The following RANBP2 variants were observed in gnomAD, a reference collection of about 807,000 sequenced individuals.
The protein encoded by RANBP2 is RAN binding protein 2.
A neutral mutation model predicts 303.6 loss-of-function variants in RANBP2; 57 were observed. That is an observed-to-expected ratio of 0.19 (90% CI 0.15 to 0.23). RANBP2 has a LOEUF of 0.23. Among genes scored for constraint, RANBP2 ranks in the 10% least tolerant of loss-of-function variants. RANBP2 has a pLI of 1.00. For missense variants in RANBP2, 3,138 were observed against 3,780.8 expected (o/e 0.83, Z 4.46); for synonymous variants, 1,167 against 1,301.5 (o/e 0.90, Z 2.23).
the RANBP2 span, among the ~76,000 whole-genome samples, chr2:109,674,559 G>A: frequency 6.6e-6 from 1 of 151,804 alleles, no homozygotes; most frequent in Non-Finnish European, 1.5e-5. Flanking sequence ...CTCCAGCCTT[G>A]GCGACAGAAT....
the RANBP2 span, among the ~76,000 whole-genome samples, chr2:109,382,251 C>CAT: frequency 0.023 from 3,539 of 152,238 alleles, 141 homozygotes; most frequent in African/African-American, 0.081. Flanking sequence ...TTTCCTTAAC[C>CAT]ATAGGGTCTG....
At chr2:109,404,846 C>T in the RANBP2 span, among the ~76,000 whole-genome samples, 1 of 152,182 alleles carries the variant, frequency 6.6e-6, no homozygotes, top group Non-Finnish European at 1.5e-5. Context: ...CAGCATCCTC[C>T]TTCCTCATCC....
chr2:109,686,634 CAG>C, the RANBP2 span, among the ~76,000 whole-genome samples: 1 of 151,832 alleles, frequency 6.6e-6, no homozygotes, highest in African/African-American at 2.4e-5. Context: ...TTTTTTAAGA[CAG>C]AGTCTCATTC....
At chr2:108,918,243 A>G in the RANBP2 span, among the ~76,000 whole-genome samples, 1 of 152,056 alleles carries the variant, frequency 6.6e-6, no homozygotes, top group South Asian at 2.1e-4. Flanking sequence ...AGGCACCGGC[A>G]CCCCCTGCAC....
At chr2:109,656,975 C>G in the RANBP2 span, among the ~76,000 whole-genome samples, 5 of 152,166 alleles carry the variant, frequency 3.3e-5, no homozygotes, top group Non-Finnish European at 1.5e-5. Flanking sequence ...TAAAAATTAA[C>G]TATAGAATGG....
chr2:108,772,630 T>G, intron 22 of RANBP2, 49 bp downstream of exon 22: 2 of 1,518,680 alleles, frequency 1.3e-6, no homozygotes, highest in South Asian at 2.3e-5. Flanking sequence ...AAGTCTTCTA[T>G]TTAGAAGGAA....
At chr2:109,110,645 C>T in the RANBP2 span, among the ~76,000 whole-genome samples, 1 of 152,184 alleles carries the variant, frequency 6.6e-6, no homozygotes. Flanking sequence ...GGCCCAATCT[C>T]CTGGCCAATG....
chr2:109,509,316 A>G, the RANBP2 span, among the ~76,000 whole-genome samples: 2 of 152,202 alleles, frequency 1.3e-5, no homozygotes, highest in Admixed American at 1.3e-4. Context: ...ACGTGCCTGT[A>G]TCAGTCACTT....
At chr2:109,720,913 C>T in the RANBP2 span, among the ~76,000 whole-genome samples, 5 of 152,172 alleles carry the variant, frequency 3.3e-5, no homozygotes, top group Non-Finnish European at 7.3e-5. Context: ...AGCACAATGC[C>T]AGATGTGGGC....
At chr2:109,227,879 G>A in the RANBP2 span, among the ~76,000 whole-genome samples, 7 of 152,208 alleles carry the variant, frequency 4.6e-5, 1 homozygote, top group Admixed American at 2.6e-4. Context: ...CGGTTTGTCT[G>A]CAACTGCAGT....
the RANBP2 span, among the ~76,000 whole-genome samples, chr2:109,333,975 A>G: frequency 6.6e-6 from 1 of 152,200 alleles, no homozygotes; most frequent in African/African-American, 2.4e-5. Flanking sequence ...ACAAGTGGTA[A>G]TGTGTTAAAT....
chr2:109,177,397 G>T, the RANBP2 span, among the ~76,000 whole-genome samples: 3 of 152,202 alleles, frequency 2.0e-5, no homozygotes, highest in Non-Finnish European at 4.4e-5. Flanking sequence ...GAATAAGTTG[G>T]ACATGAAATA....
At chr2:109,714,447 A>G in the RANBP2 span, among the ~76,000 whole-genome samples, 3 of 149,776 alleles carry the variant, frequency 2.0e-5, no homozygotes, top group Non-Finnish European at 3.0e-5. Context: ...GACTACAGGC[A>G]TGCACCACCA....
At chr2:109,632,066 T>C in the RANBP2 span, among the ~76,000 whole-genome samples, 1 of 152,110 alleles carries the variant, frequency 6.6e-6, no homozygotes. Context: ...CACTTGTGCC[T>C]ACAAAATAAA....
chr2:108,859,892 C>A, the RANBP2 span, among the ~76,000 whole-genome samples: 1 of 151,840 alleles, frequency 6.6e-6, no homozygotes, highest in African/African-American at 2.4e-5. Context: ...TTGCTTTAGG[C>A]AATATAACCA....
At chr2:108,881,955 G>T in the RANBP2 span, among the ~76,000 whole-genome samples, 3 of 152,156 alleles carry the variant, frequency 2.0e-5, no homozygotes, top group East Asian at 1.9e-4. Flanking sequence ...ACCAGCCTGG[G>T]CAACATAGCA....
At chr2:108,734,118 C>T (rs1695383255) in intron 4 of RANBP2, among the ~76,000 whole-genome samples, 1 of 151,734 alleles carries the variant, frequency 6.6e-6, no homozygotes, top group Admixed American at 6.6e-5. Context: ...CCATCTCATC[C>T]AGAAGAGGAG....
the RANBP2 span, among the ~76,000 whole-genome samples, chr2:108,925,949 G>C: frequency 1.3e-5 from 2 of 152,142 alleles, no homozygotes; most frequent in South Asian, 2.1e-4. Context: ...TTGGCTCCAA[G>C]AGGCTGTTAT....
the RANBP2 span, among the ~76,000 whole-genome samples, chr2:109,704,300 A>C: frequency 1.3e-5 from 2 of 152,136 alleles, no homozygotes; most frequent in Non-Finnish European, 2.9e-5. Context: ...CTGTAATCCT[A>C]ACACTGGGAG....
Sources: gnomAD v4.1 joint callset for allele counts (sites outside exome capture counted in the v4.1 genomes callset) on GRCh38, gnomAD v4.1.1 for gene constraint, MANE v1.5 for transcripts, NCBI Gene and HGNC (gene_info 2026-07-23, HGNC 2026-07-21) for gene names.